SGCA: variants seen among roughly 807,000 people sequenced by gnomAD.
SGCA encodes sarcoglycan alpha.
A neutral mutation model predicts 38.1 loss-of-function variants in SGCA; 34 were observed. The observed-to-expected ratio is 0.89, with a 90% CI of 0.68 to 1.19. SGCA has a LOEUF of 1.19. Among genes scored for constraint, SGCA ranks in the 50% most tolerant of loss-of-function variants. The pLI is 0.00. For synonymous variants in SGCA, 209 were observed against 214.6 expected, an observed-to-expected ratio of 0.97 and a Z score of 0.23; for missense variants, 476 against 524.9, an observed-to-expected ratio of 0.91 and a Z score of 0.91.
intron 6 of SGCA, chr17:50,169,472 A>C: frequency 3.6e-6 from 2 of 560,612 alleles, no homozygotes; most frequent in Non-Finnish European, 3.2e-6. Context: ...TTTCCCCCAC[A>C]AGAGGGCAAC....
chr17:50,169,736 G>A (rs1905222750), intron 6 of SGCA: 1 of 346,790 alleles, frequency 2.9e-6, no homozygotes, highest in Admixed American at 4.3e-5. Context: ...GGATCCCACG[G>A]CTGGTGTACA....
intron 8 of SGCA, among the ~76,000 whole-genome samples, chr17:50,173,970 C>T (rs1475454589): frequency 6.6e-6 from 1 of 152,168 alleles, no homozygotes; most frequent in African/African-American, 2.4e-5. Context: ...TCATCAGTAA[C>T]CAAGTGGCAA....
At chr17:50,174,534 A>T (rs2144510509) in intron 8 of SGCA, among the ~76,000 whole-genome samples, 1 of 151,444 alleles carries the variant, frequency 6.6e-6, no homozygotes, top group East Asian at 1.9e-4. Context: ...TTAAATAGAG[A>T]TGGGGTTTCA....
intron 8 of SGCA, chr17:50,171,660 G>A (rs1905411412): frequency 6.6e-6 from 3 of 456,802 alleles, no homozygotes; most frequent in South Asian, 3.1e-5. Flanking sequence ...CCTTGAGCTT[G>A]GACTTGGAGG....
rs1216131418 is a variant in SGCA at position 50,167,435 on chromosome 17, C to T, written c.105C>T (p.Val35=). 6.2e-7 allele frequency: 1 copy of T among 1,614,170 alleles called. No individual in the cohort carries two copies. Residue 35 remains valine (V), a synonymous_variant, in exon 2 of 10, where the codon GTC becomes GTT. Transcript: ENST00000262018. The surrounding 1 kb of genome is among the most constrained non-coding windows in gnomAD (Gnocchi z 4.5). ...QTTLHPLVGR[V]FVHTLDHETF... ...CGCTACACCCACTTGTGGGCCGTGT[C>T]TTTGTGCACACCTTGGACCATGAGA...
At chr17:50,168,298 G>T in intron 4 of SGCA, 76 bp from the exon 5 acceptor site, 1 of 1,291,406 alleles carries the variant, frequency 7.7e-7, no homozygotes, top group South Asian at 1.3e-5. Flanking sequence ...AGGGATGTGG[G>T]GAGGAGCTTC....
chr17:50,175,191 C>A, intron 8 of SGCA, 66 bp from the exon 9 acceptor site: 9 of 1,472,620 alleles, frequency 6.1e-6, no homozygotes, highest in Non-Finnish European at 6.5e-6. Context: ...GGCTCAGAGG[C>A]AGTTCCAGGC....
Position 50,169,114 on chromosome 17 carries a change from G to C in SGCA, c.607G>C (p.Ala203Pro). 6.2e-7 allele frequency: 1 copy of C among 1,613,848 alleles called. No individual in the cohort carries two copies. Among genetic ancestry groups the C allele is most frequent in the Non-Finnish European group, 8.5e-7 (1 of 1,179,984 alleles). The change falls in exon 6 of 10, where the codon GCC (alanine) becomes CCC (proline). Residue 203 changes from alanine (A) to proline (P), a missense_variant. By Grantham distance (27) the Ala-to-Pro change is conservative. Transcript: ENST00000262018. ...CAGGGTATACATTAAGGTGGGTTCT[G>C]CCTCACCTTTTTCTACTTGCCTGAA... ...KEGVYIKVGS[A>P]SPFSTCLKMV...
intron 4 of SGCA, 60 bp downstream of exon 4, chr17:50,168,079 G>C (rs2293533): frequency 2.7e-6 from 4 of 1,466,416 alleles, no homozygotes; most frequent in Non-Finnish European, 3.8e-6. Flanking sequence ...AATCTCTCCC[G>C]GAGGGGGAGG....
chr17:50,173,854 G>A (rs921942095), intron 8 of SGCA, among the ~76,000 whole-genome samples: 4 of 152,196 alleles, frequency 2.6e-5, no homozygotes, highest in Admixed American at 6.5e-5. Flanking sequence ...CCCATTCAGC[G>A]TGAAGCTAGG....
intron 4 of SGCA, among the ~76,000 whole-genome samples, 154 bp downstream of exon 4, chr17:50,168,173 G>T (rs1477061355): frequency 6.6e-6 from 1 of 152,226 alleles, no homozygotes; most frequent in Non-Finnish European, 1.5e-5. Flanking sequence ...AATGGGTGCT[G>T]GGCTGGGATT....
In SGCA at chr17:50,175,414, C is replaced by T. The variant is rs985017112; in HGVS notation, c.1141C>T (p.Pro381Ser). 4 of 1,613,154 alleles carry T rather than the reference C, an allele frequency of 2.5e-6. No homozygotes were observed. The highest frequency in any genetic ancestry group is 4.5e-5 in the East Asian group (2 of 44,894). ...TCCCCGCGTGGACAGCGCCCAGGTG[C>T]CCCTCATTCTGGACCAGCACTGACA... ...LPPRVDSAQV[P>S]LILDQH Residue 381 changes from proline (P) to serine (S), a missense_variant, in exon 9 of 10, where the codon CCC becomes TCC. Transcript: ENST00000262018.
intron 8 of SGCA, chr17:50,172,448 C>A (rs1305570873): frequency 1.1e-5 from 4 of 362,374 alleles, no homozygotes; most frequent in Non-Finnish European, 2.2e-5. Context: ...TGCACATATG[C>A]ATGTGTGTGT....
At position 50,167,311 on chromosome 17, in the gene SGCA, T is replaced by G; in HGVS notation, c.38-57T>G. On this transcript the variant is annotated intron_variant, in intron 1 of 9. Coordinates refer to ENST00000262018, the MANE Select transcript of SGCA (RefSeq NM_000023.4). The surrounding 1 kb of genome is among the most constrained non-coding windows in gnomAD (Gnocchi z 4.5). ...AGGACTTGGTGGGGAAGGGAGCTTA[T>G]CCCCTGCCCAGGACTGAGGCTGGCC... 2 of 1,611,678 alleles carry G rather than the reference T, an allele frequency of 1.2e-6. No homozygotes were observed. The highest frequency in any genetic ancestry group is 2.2e-5 in the South Asian group (2 of 90,878).
At chr17:50,168,332 TG>T in intron 4 of SGCA, 41 bp from the exon 5 acceptor site, 1 of 1,525,284 alleles carries the variant, frequency 6.6e-7, no homozygotes, top group East Asian at 2.4e-5. Flanking sequence ...GGGGCAGAGC[TG>T]GGGCTGGGTG....
chr17:50,175,401 C>T lies in SGCA; in HGVS notation c.1128C>T (p.Asp376=), dbSNP rs748132102. 2.5e-6 allele frequency: 4 copies of T among 1,613,086 alleles called. No individual in the cohort carries two copies. The highest frequency in any genetic ancestry group is 3.4e-6 in the Non-Finnish European group (4 of 1,180,036). The part of the protein sequence containing the change: ...HTGERLPPRV[D]SAQVPLILDQ... ...GTGAGCGGCTGCCTCCCCGCGTGGA[C>T]AGCGCCCAGGTGCCCCTCATTCTGG... The change falls in exon 9 of 10, where the codon GAC becomes GAT. Residue 376 remains aspartate (D), a synonymous_variant. Transcript: ENST00000262018.
At position 50,175,431 on chromosome 17, in the gene SGCA, G is replaced by T. The variant is rs1481583831; in HGVS notation, c.1158G>T (p.Gln386His). 6.2e-7 allele frequency: 1 copy of T among 1,613,060 alleles called. No homozygotes were observed. The highest frequency in any genetic ancestry group is 8.5e-7 in the Non-Finnish European group (1 of 1,179,948). Residue 386 changes from glutamine (Q) to histidine (H), a missense_variant, in exon 9 of 10, where the codon CAG becomes CAT. Transcript: ENST00000262018. ...DSAQVPLILDQH is the reference protein window; with the variant it reads ...DSAQVPLILDHH ...CCCAGGTGCCCCTCATTCTGGACCA[G>T]CACTGACAGCCTAGCCAGGTAGGTC... is the stretch of plus-strand genomic sequence containing the variant.
chr17:50,166,611 G>T (rs910421144), intron 1 of SGCA, among the ~76,000 whole-genome samples: 1 of 151,610 alleles, frequency 6.6e-6, no homozygotes, highest in Non-Finnish European at 1.5e-5. Context: ...CTGGGCTCTT[G>T]GGCATTTAGC....
At chr17:50,170,115 C>T in intron 6 of SGCA, 28 bp from the exon 7 acceptor site, 1 of 1,605,912 alleles carries the variant, frequency 6.2e-7, no homozygotes, top group Non-Finnish European at 8.5e-7. Flanking sequence ...CAGCCACTTC[C>T]TGCGTCAGCC....
Sources: allele counts gnomAD v4.1 joint callset (sites outside exome capture counted in the v4.1 genomes callset), GRCh38; gene constraint gnomAD v4.1.1; non-coding constraint Gnocchi (gnomAD v3.1); transcripts MANE v1.5; gene names NCBI Gene and HGNC (gene_info 2026-07-23, HGNC 2026-07-21).